STARD5: variants seen among roughly 807,000 people sequenced by gnomAD.
STARD5 encodes the protein stAR-related lipid transfer protein 5.
A neutral mutation model predicts 24.6 loss-of-function variants in STARD5; 26 were observed. The observed-to-expected ratio is 1.06, with a 90% CI of 0.77 to 1.47. STARD5 has a LOEUF of 1.47. Ranked by LOEUF, STARD5 falls within the 40% of genes most tolerant of loss-of-function variation. The pLI is 0.00. For missense variants in STARD5, 254 were observed against 270.8 expected, an observed-to-expected ratio of 0.94 and a Z score of 0.44; for synonymous variants, 101 against 99.7, an observed-to-expected ratio of 1.01 and a Z score of -0.07.
chr15:81,310,941 C>G lies in STARD5; in HGVS notation c.*2315G>C, dbSNP rs1386249800. On this transcript the variant is annotated 3_prime_UTR_variant, in exon 6 of 6. Coordinates refer to ENST00000302824, the MANE Select transcript of STARD5 (RefSeq NM_181900.3). ...CCTCCCAGTACCTCCTGTCTCTGGC[C>G]TGTTTTAGAAGGTTCTCTCCTCCCC... 1 of 152,298 alleles carries G rather than the reference C, an allele frequency of 6.6e-6. No individual in the cohort carries two copies. The highest frequency in any genetic ancestry group is 1.5e-5 in the Non-Finnish European group (1 of 68,118). 9.4% of individuals were successfully genotyped at this position (152,298 alleles called of 1,614,324 possible).
At chr15:81,316,513 A>G (rs900684734) in intron 5 of STARD5, among the ~76,000 whole-genome samples, 6 of 152,148 alleles carry the variant, frequency 3.9e-5, no homozygotes, top group African/African-American at 7.2e-5. Context: ...CTCTCTGTGC[A>G]CCCACCATTC....
At chr15:81,319,304 A>G (rs1384089561) in intron 4 of STARD5, 35 bp downstream of exon 4, 1 of 1,563,894 alleles carries the variant, frequency 6.4e-7, no homozygotes, top group Non-Finnish European at 8.8e-7. Context: ...TCGATATCGC[A>G]GGAAGGCATG....
chr15:81,314,694 TG>T (rs1901036507), intron 5 of STARD5, among the ~76,000 whole-genome samples: 1 of 152,010 alleles, frequency 6.6e-6, no homozygotes, highest in Non-Finnish European at 1.5e-5. Context: ...GAGACCAATC[TG>T]GACAACAAGG....
intron 1 of STARD5, 67 bp from the exon 2 acceptor site, chr15:81,323,015 C>G (rs574057421): frequency 6.3e-7 from 1 of 1,580,946 alleles, no homozygotes; most frequent in Non-Finnish European, 8.7e-7. Flanking sequence ...GCTTAATCCC[C>G]TGTTCTACAG....
At position 81,322,821 on chromosome 15, in the gene STARD5, A is replaced by G. The variant is rs188024344; in HGVS notation, c.149+78T>C. ...CACAGGTTATAGGGTTGATTTGAAT[A>G]TTTTAGGAGGCAGGCCCATAAAGAT... On this transcript the variant is annotated intron_variant, in intron 2 of 5. Coordinates refer to ENST00000302824, the MANE Select transcript of STARD5 (RefSeq NM_181900.3). The G allele has an allele frequency of 3.3e-4, 512 of 1,574,544 alleles. 4 individuals are homozygous for G. The African/African-American group carries it at 6.4e-3, about 20-fold the overall frequency.
chr15:81,315,993 C>CCCT (rs1254507258), intron 5 of STARD5, among the ~76,000 whole-genome samples: 1 of 152,154 alleles, frequency 6.6e-6, no homozygotes, highest in Non-Finnish European at 1.5e-5. Context: ...AGGCTGCGGC[C>CCCT]CCTGCTACCT....
rs139067339 is a variant in STARD5 at position 81,320,411 on chromosome 15, C to T, written c.283-955G>A. On this transcript the variant is annotated intron_variant, in intron 3 of 5. Coordinates refer to ENST00000302824, the MANE Select transcript of STARD5 (RefSeq NM_181900.3). ...AGAATAAATTTCCAGGAAACTACTC[C>T]GTGTTTCCTTCATCCCCTAATGACC... Among the ~76,000 whole-genome samples the T allele has an allele frequency of 2.0e-3, 308 of 152,308 alleles. 2 individuals carry two copies. The highest frequency in any genetic ancestry group is 7.3e-3 in the African/African-American group (303 of 41,554).
intron 5 of STARD5, chr15:81,313,862 A>G (rs1438627708): frequency 6.6e-6 from 1 of 152,376 alleles, no homozygotes; most frequent in African/African-American, 2.4e-5. Context: ...GCCTTCTCTC[A>G]CATGCATACA....
intron 1 of STARD5, chr15:81,323,799 T>TA (rs1567057210): frequency 1.4e-6 from 1 of 707,508 alleles, no homozygotes; most frequent in Non-Finnish European, 2.4e-6. Flanking sequence ...AACAGATACT[T>TA]ACCACCTGAA....
chr15:81,318,526 G>A, intron 4 of STARD5, 24 bp from the exon 5 acceptor site: 1 of 1,606,256 alleles, frequency 6.2e-7, no homozygotes, highest in Non-Finnish European at 8.5e-7. Context: ...CAGAATCTCG[G>A]TGAGTTACAA....
rs576746075 is a variant in STARD5, at chr15:81,324,127, G to T, written c.-28C>A. The T allele has an allele frequency of 2.9e-5, 38 of 1,319,250 alleles. No homozygotes were observed. In the East Asian group the frequency reaches 1.1e-3, roughly 39 times the overall value. The allele number at this position is 1,319,250 out of a possible 1,614,324, so 81.7% of individuals were successfully genotyped here. On this transcript the variant is annotated 5_prime_UTR_variant, in exon 1 of 6. Transcript: ENST00000302824. ...CGTCGGGAGCTGCGCTTAGCTGCGG[G>T]GTCGCGGGTGTTATGAGCGGCGGCG...
intron 5 of STARD5, among the ~76,000 whole-genome samples, chr15:81,315,703 C>A (rs918563458): frequency 6.6e-5 from 10 of 152,072 alleles, no homozygotes; most frequent in African/African-American, 1.4e-4. Context: ...CACCTCACCC[C>A]CAATGAGTCC....
intron 1 of STARD5, chr15:81,323,670 T>C (rs1893334345): frequency 3.7e-6 from 4 of 1,084,238 alleles, no homozygotes; most frequent in Admixed American, 3.5e-5. Flanking sequence ...TGTTTTGTTT[T>C]TAAACACCTG....
intron 1 of STARD5, chr15:81,323,536 A>T (rs1893329996): frequency 1.2e-6 from 1 of 842,452 alleles, no homozygotes; most frequent in Non-Finnish European, 1.9e-6. Flanking sequence ...AACGACAAAG[A>T]GAGGGGTTCA....
chr15:81,314,483 A>G (rs903380797), intron 5 of STARD5, among the ~76,000 whole-genome samples: 1 of 152,214 alleles, frequency 6.6e-6, no homozygotes, highest in African/African-American at 2.4e-5. Flanking sequence ...CTTGAATGCA[A>G]CTGTCCACTC....
rs1450145661 is a variant in STARD5 at position 81,310,614 on chromosome 15, G to T, written c.*2642C>A. On this transcript the variant is annotated 3_prime_UTR_variant, in exon 6 of 6. Coordinates refer to ENST00000302824, the MANE Select transcript of STARD5 (RefSeq NM_181900.3). ...TTCAACACTCCCTTCCCATGACCCA[G>T]GCTGGGCAAGGAGGCCACGTGATGT... The T allele has an allele frequency of 6.6e-6, 1 of 152,198 alleles. No homozygotes were observed. Among genetic ancestry groups the T allele is most frequent in the Non-Finnish European group, 1.5e-5 (1 of 68,052 alleles). 9.4% of individuals were successfully genotyped at this position (152,198 alleles called of 1,614,324 possible).
intron 1 of STARD5, chr15:81,323,361 C>T (rs1001194358): frequency 3.4e-6 from 1 of 290,726 alleles, no homozygotes; most frequent in African/African-American, 2.8e-5. Flanking sequence ...TCCCATGCTA[C>T]CCTCTGGCAA....
rs376848298 is a variant in STARD5, at chr15:81,322,961, A to C, written c.100-13T>G. 1 of 1,614,004 alleles carries C rather than the reference A, an allele frequency of 6.2e-7. No individual in the cohort carries two copies. The highest frequency in any genetic ancestry group is 8.5e-7 in the Non-Finnish European group (1 of 1,180,004). ...CTGAAACTCCATTCTGTCAAAAGGC[A>C]CAGAACCACAGAATTTTAGAGCTAG... On this transcript the variant is annotated splice_polypyrimidine_tract_variant and intron_variant, in intron 1 of 5. Transcript: ENST00000302824.
Position 81,324,045 on chromosome 15 carries a change from G to A in STARD5, c.55C>T (p.Gln19Ter). ...CAGCCTGCTGTGTCCCGCCGGTACTGGAGCATCTTCTCGGCCACAGCCTCG... is the reference window on the plus strand; with the variant it reads ...CAGCCTGCTGTGTCCCGCCGGTACTAGAGCATCTTCTCGGCCACAGCCTCG... ...MSEAVAEKML[Q>*]YRRDTAGWKI... Residue 19 changes from glutamine (Q) to a stop codon, truncating the protein, a stop_gained, in exon 1 of 6, where the codon CAG (glutamine) becomes TAG (stop). Coordinates refer to ENST00000302824, the MANE Select transcript of STARD5 (RefSeq NM_181900.3). LOFTEE classifies it high-confidence loss of function. 1 of 1,596,726 alleles carries A rather than the reference G, an allele frequency of 6.3e-7. No homozygotes were observed. Among genetic ancestry groups the A allele is most frequent in the Non-Finnish European group, 8.5e-7 (1 of 1,170,208 alleles).
Sources: allele counts gnomAD v4.1 joint callset (sites outside exome capture counted in the v4.1 genomes callset), GRCh38; gene constraint gnomAD v4.1.1; transcripts MANE v1.5; gene names NCBI Gene and HGNC (gene_info 2026-07-23, HGNC 2026-07-21).